SCNN1B: variants seen among roughly 807,000 people sequenced by gnomAD.
SCNN1B encodes epithelial sodium channel subunit beta.
SCNN1B carries 46 observed loss-of-function variants against 65.3 expected under a neutral mutation model. That is an observed-to-expected ratio of 0.70 (90% confidence interval 0.56 to 0.90). The LOEUF is 0.90. SCNN1B is among the 40% of genes least tolerant of loss of function. SCNN1B has a pLI of 0.00. For missense variants in SCNN1B, 751 were observed against 830.5 expected, an observed-to-expected ratio of 0.90 and a Z score of 1.18; for synonymous variants, 349 against 330.6, an observed-to-expected ratio of 1.06 and a Z score of -0.60.
intron 4 of SCNN1B, among the ~76,000 whole-genome samples, chr16:23,360,589 TGG>T (rs1491094532): frequency 2.0e-4 from 22 of 109,524 alleles, no homozygotes; most frequent in Non-Finnish European, 3.3e-4. Flanking sequence ...GTGGTGGTGG[TGG>T]TTTTTTTTTT....
chr16:23,282,970 C>T (rs146417729), intron 1 of SCNN1B, among the ~76,000 whole-genome samples: 107 of 152,312 alleles, frequency 7.0e-4, no homozygotes, highest in African/African-American at 2.5e-3. Context: ...CCAGCTTGAC[C>T]TTGAATTCTC....
chr16:23,318,708 T>G (rs1022754935), intron 1 of SCNN1B, among the ~76,000 whole-genome samples: 3 of 152,242 alleles, frequency 2.0e-5, no homozygotes, highest in Non-Finnish European at 4.4e-5. Context: ...GATGAGATCA[T>G]GTGAGTAAAG....
intron 1 of SCNN1B, among the ~76,000 whole-genome samples, chr16:23,331,611 C>T (rs1324156077): frequency 4.6e-5 from 7 of 152,076 alleles, no homozygotes; most frequent in East Asian, 3.8e-4. Flanking sequence ...TGAGCCACCA[C>T]GCCCGGCCTC....
At position 23,348,112 on chromosome 16, in the gene SCNN1B, G is replaced by T. The variant is rs1403018778; in HGVS notation, c.-8-480G>T. 6.6e-6 allele frequency among the ~76,000 whole-genome samples: 1 copy of T among 152,116 alleles called. No homozygotes were observed. The highest frequency in any genetic ancestry group is 1.5e-5 in the Non-Finnish European group (1 of 68,020). On this transcript the variant is annotated intron_variant, in intron 1 of 12. Coordinates refer to ENST00000343070, the MANE Select transcript of SCNN1B (RefSeq NM_000336.3). The surrounding 1 kb of genome is among the most constrained non-coding windows in gnomAD (Gnocchi z 4.5). ...ACCTGGGACCATGCAGACACATCATGGGGAGGACATGTAAACTCCATATAG... is the reference window on the plus strand; with the variant it reads ...ACCTGGGACCATGCAGACACATCATTGGGAGGACATGTAAACTCCATATAG...
At chr16:23,351,460 C>T (rs368275261) in intron 2 of SCNN1B, among the ~76,000 whole-genome samples, 147 of 152,300 alleles carry the variant, frequency 9.7e-4, no homozygotes, top group Non-Finnish European at 1.2e-3. Flanking sequence ...AATAACACCA[C>T]CACCTGCACA....
At chr16:23,376,691 C>CT (rs1404528848) in intron 8 of SCNN1B, among the ~76,000 whole-genome samples, 1 of 145,990 alleles carries the variant, frequency 6.8e-6, no homozygotes, top group Non-Finnish European at 1.5e-5. Context: ...GAGCAGATCA[C>CT]TTGATGCCAG....
intron 1 of SCNN1B, among the ~76,000 whole-genome samples, chr16:23,333,395 G>A (rs550331479): frequency 6.6e-6 from 1 of 152,270 alleles, no homozygotes; most frequent in Admixed American, 6.5e-5. Context: ...TCAGTCCCAC[G>A]AGAAGCAGAG....
intron 4 of SCNN1B, among the ~76,000 whole-genome samples, chr16:23,360,759 C>A (rs972119529): frequency 6.6e-6 from 1 of 151,576 alleles, no homozygotes; most frequent in Admixed American, 6.6e-5. Flanking sequence ...CCACACCTGG[C>A]TAATTTTTGG....
At chr16:23,346,818 TAA>T (rs1414613663) in intron 1 of SCNN1B, among the ~76,000 whole-genome samples, 1 of 151,602 alleles carries the variant, frequency 6.6e-6, no homozygotes, top group Non-Finnish European at 1.5e-5. Flanking sequence ...CGTTTTCTAA[TAA>T]AAATCGCTGA....
At chr16:23,309,419 GAT>G (rs1961292287) in intron 1 of SCNN1B, among the ~76,000 whole-genome samples, 1 of 144,170 alleles carries the variant, frequency 6.9e-6, no homozygotes, top group South Asian at 2.1e-4. Context: ...ATGATAGATA[GAT>G]AGATAGATAG....
intron 1 of SCNN1B, among the ~76,000 whole-genome samples, chr16:23,319,928 C>T (rs925316749): frequency 2.6e-5 from 4 of 152,072 alleles, no homozygotes; most frequent in African/African-American, 4.8e-5. Flanking sequence ...CCACCACGTC[C>T]GACTAATTTT....
chr16:23,350,647 T>C (rs572408556), intron 2 of SCNN1B, among the ~76,000 whole-genome samples: 51 of 152,278 alleles, frequency 3.3e-4, no homozygotes, highest in African/African-American at 1.2e-3. Flanking sequence ...GCACAGTGGC[T>C]CACGCCTGTA....
chr16:23,311,930 C>G (rs1378895782), intron 1 of SCNN1B, among the ~76,000 whole-genome samples: 1 of 152,156 alleles, frequency 6.6e-6, no homozygotes, highest in Non-Finnish European at 1.5e-5. Context: ...AGACCCCTGC[C>G]TCCAGCACCC....
chr16:23,305,524 AATATATATATTATATATATATATATAT>A (rs1332556707), intron 1 of SCNN1B, among the ~76,000 whole-genome samples: 110 of 4,890 alleles, frequency 0.022, 9 homozygotes, highest in African/African-American at 0.076. Context: ...ATCTCTACCA[AATATATATATTATATATATATATATAT>A]ATATATATAT....
rs963160810 is a variant in SCNN1B at position 23,303,874 on chromosome 16, G to A, written c.-9+1437G>A. On this transcript the variant is annotated intron_variant, in intron 1 of 12. Transcript: ENST00000343070. ...GTGGAGGTTGCAGTGAGCTGAGATG[G>A]CACCATTGCACTCTAGCCTGAGTGA... is the stretch of plus-strand genomic sequence containing the variant. The A allele has an allele frequency of 6.4e-6, 4 of 625,198 alleles. No individual in the cohort carries two copies. The Admixed American group carries it at 9.6e-5, about 15-fold the overall frequency. The allele number at this position is 625,198 out of a possible 1,614,324, so 38.7% of individuals were successfully genotyped here. A position where few individuals can be genotyped will look rare whatever the true frequency, so the allele number is the denominator to read the frequency against.
At chr16:23,278,895 G>C (rs912776394) in intron 1 of SCNN1B, among the ~76,000 whole-genome samples, 1 of 151,660 alleles carries the variant, frequency 6.6e-6, no homozygotes, top group African/African-American at 2.4e-5. Flanking sequence ...AGCTATGATC[G>C]TACCACTGCA....
chr16:23,371,514 CCTGTCCAGGGCCAA>C, intron 6 of SCNN1B, 52 bp downstream of exon 6: 1 of 1,580,628 alleles, frequency 6.3e-7, no homozygotes, highest in East Asian at 2.3e-5. Flanking sequence ...TGGGAGCCCA[CCTGTCCAGGGCCAA>C]CTGCCCTTGG....
At chr16:23,359,382 C>T (rs1372715661) in intron 4 of SCNN1B, 1 of 152,340 alleles carries the variant, frequency 6.6e-6, no homozygotes, top group African/African-American at 2.4e-5. Context: ...CCCTCCCTAC[C>T]CACCTCTCCC....
chr16:23,326,399 A>G (rs1008363492), intron 1 of SCNN1B, among the ~76,000 whole-genome samples: 9 of 152,166 alleles, frequency 5.9e-5, no homozygotes, highest in African/African-American at 2.2e-4. Flanking sequence ...GGTTAATGCC[A>G]TCTGTGTTAT....
Sources: allele counts gnomAD v4.1 joint callset (sites outside exome capture counted in the v4.1 genomes callset), GRCh38; gene constraint gnomAD v4.1.1; non-coding constraint Gnocchi (gnomAD v3.1); transcripts MANE v1.5; gene names NCBI Gene and HGNC (gene_info 2026-07-23, HGNC 2026-07-21).